COL9A1: variants seen among roughly 807,000 people sequenced by gnomAD.
COL9A1 encodes collagen alpha-1(IX) chain.
COL9A1 carries 104 observed loss-of-function variants against 142.6 expected under a neutral mutation model. The ratio of observed to expected loss-of-function variants is 0.73; its 90% confidence interval spans 0.62 to 0.86. COL9A1 has a LOEUF of 0.86. Among genes scored for constraint, COL9A1 ranks in the 40% least tolerant of loss-of-function variants. The pLI is 0.00. For missense variants in COL9A1, 1,210 were observed against 1,176.6 expected (o/e 1.03, Z -0.42); for synonymous variants, 466 against 396.0 (o/e 1.18, Z -2.10).
At chr6:70,241,123 A>T (rs573253035) in intron 31 of COL9A1, among the ~76,000 whole-genome samples, 1 of 152,184 alleles carries the variant, frequency 6.6e-6, no homozygotes, top group South Asian at 2.1e-4. Flanking sequence ...GTGGCTGTGG[A>T]AGGCTCCATT....
At chr6:70,233,319 T>C (rs1044591437) in intron 35 of COL9A1, among the ~76,000 whole-genome samples, 3 of 152,194 alleles carry the variant, frequency 2.0e-5, no homozygotes, top group African/African-American at 7.2e-5. Context: ...TAAACCCTCC[T>C]TCTCAGAAGT....
rs992114674 is a variant in COL9A1, at chr6:70,302,958, C to A, written c.-34G>T. The stretch of plus-strand genomic sequence containing the variant: ...TTGATTTTCTTTGTTTGCCAACAGT[C>A]CCTATGAAGAAGGGGTTGGAAGGGA... On this transcript the variant is annotated 5_prime_UTR_variant, in exon 1 of 38. Transcript: ENST00000357250. 1.2e-6 allele frequency: 2 copies of A among 1,612,350 alleles called. No individual in the cohort carries two copies. Among genetic ancestry groups the A allele is most frequent in the Non-Finnish European group, 8.5e-7 (1 of 1,178,374 alleles).
intron 5 of COL9A1, among the ~76,000 whole-genome samples, chr6:70,288,408 T>C (rs529493940): frequency 6.6e-6 from 1 of 152,208 alleles, no homozygotes; most frequent in Admixed American, 6.5e-5. Context: ...TACACTCTTA[T>C]GTCCTTCTCT....
At chr6:70,242,753 C>A in intron 28 of COL9A1, 38 bp from the exon 29 acceptor site, 3 of 1,585,420 alleles carry the variant, frequency 1.9e-6, no homozygotes, top group South Asian at 2.2e-5. Flanking sequence ...GATATTTTGC[C>A]AAAATTCAAA....
chr6:70,284,377 A>C (rs1413191493), intron 5 of COL9A1, among the ~76,000 whole-genome samples: 3 of 152,232 alleles, frequency 2.0e-5, no homozygotes, highest in African/African-American at 7.2e-5. Flanking sequence ...TGGAGTGGTC[A>C]CAGCTTAAAA....
chr6:70,267,327 G>GTTTTTTTTTTTTTTTT lies in COL9A1; in HGVS notation c.1288-558_1288-557insAAAAAAAAAAAAAAAA, dbSNP rs61373051. On this transcript the variant is annotated intron_variant, in intron 17 of 37. Transcript: ENST00000357250. Reference sequence around the variant, plus strand: ...TTGTTGTTGTTTGTTTGGTTTTTTTGTTTTTTTTTTTTGAGATGGAGCTTC... The same window carrying GTTTTTTTTTTTTTTTT: ...TTGTTGTTGTTTGTTTGGTTTTTTTGTTTTTTTTTTTTTTTTTTTTTTTTTTTTGAGATGGAGCTTC... 2.0e-4 allele frequency among the ~76,000 whole-genome samples: 26 copies of GTTTTTTTTTTTTTTTT among 127,046 alleles called. 2 individuals are homozygous for GTTTTTTTTTTTTTTTT. The highest frequency in any genetic ancestry group is 5.0e-4 in the South Asian group (2 of 4,032). 83.3% of individuals were successfully genotyped at this position (127,046 alleles called of 152,430 possible).
intron 1 of COL9A1, 71 bp from the exon 2 acceptor site, chr6:70,302,145 A>G (rs2127609566): frequency 2.2e-6 from 2 of 893,408 alleles, no homozygotes; most frequent in Non-Finnish European, 3.7e-6. Flanking sequence ...ATATTTTCAA[A>G]CCTAGTAAAC....
chr6:70,232,801 A>G (rs1265423716), intron 35 of COL9A1, 30 bp from the exon 36 acceptor site: 1 of 1,583,098 alleles, frequency 6.3e-7, no homozygotes, highest in African/African-American at 1.3e-5. Flanking sequence ...ACAACCCAGA[A>G]GTGTCAGAAA....
chr6:70,249,341 G>T (rs1019567871), intron 28 of COL9A1, among the ~76,000 whole-genome samples: 1 of 152,100 alleles, frequency 6.6e-6, no homozygotes, highest in African/African-American at 2.4e-5. Context: ...TGATGTTCGT[G>T]CAGGACAGAG....
intron 36 of COL9A1, among the ~76,000 whole-genome samples, chr6:70,227,669 T>C (rs1363916276): frequency 6.6e-6 from 1 of 152,106 alleles, no homozygotes; most frequent in Admixed American, 6.6e-5. Flanking sequence ...ATGCTGCTTT[T>C]TAATACAAAA....
intron 2 of COL9A1, 67 bp downstream of exon 2, chr6:70,301,934 C>A: frequency 7.6e-7 from 1 of 1,307,462 alleles, no homozygotes; most frequent in East Asian, 2.4e-5. Flanking sequence ...CTTCAGTCAG[C>A]CACAGCCCTG....
intron 32 of COL9A1, 79 bp downstream of exon 32, chr6:70,240,610 T>C: frequency 1.1e-6 from 1 of 924,570 alleles, no homozygotes; most frequent in South Asian, 1.4e-5. Context: ...TTTTGAACTG[T>C]GTTAGAAGTA....
intron 5 of COL9A1, among the ~76,000 whole-genome samples, chr6:70,291,580 C>T (rs1773662850): frequency 1.3e-5 from 2 of 152,090 alleles, no homozygotes; most frequent in Admixed American, 1.3e-4. Flanking sequence ...TCTTTGTATG[C>T]CCAATATTTA....
Position 70,301,985 on chromosome 6 carries a change from A to C in COL9A1, c.88+16T>G. Reference sequence around the variant, plus strand: ...GAATAAGTGATCTTTGAAAGTCTAGAAACTATGGCCCTTACTGGGGCGACG... The same window carrying C: ...GAATAAGTGATCTTTGAAAGTCTAGCAACTATGGCCCTTACTGGGGCGACG... On this transcript the variant is annotated intron_variant, in intron 2 of 37. Coordinates refer to ENST00000357250, the MANE Select transcript of COL9A1 (RefSeq NM_001851.6). 6.3e-7 allele frequency: 1 copy of C among 1,599,478 alleles called. No individual in the cohort carries two copies. The highest frequency in any genetic ancestry group is 2.2e-5 in the East Asian group (1 of 44,796).
intron 23 of COL9A1, 52 bp from the exon 24 acceptor site, chr6:70,255,068 T>A: frequency 6.2e-7 from 1 of 1,613,328 alleles, no homozygotes; most frequent in Non-Finnish European, 8.5e-7. Flanking sequence ...CACATTCTTT[T>A]TCCCTTCATT....
At chr6:70,274,154 T>C in intron 11 of COL9A1, 72 bp from the exon 12 acceptor site, 1 of 1,269,996 alleles carries the variant, frequency 7.9e-7, no homozygotes, top group Non-Finnish European at 1.1e-6. Context: ...ACTGCATAAA[T>C]ATTGAAAGCA....
At position 70,300,075 on chromosome 6, in the gene COL9A1, C is replaced by T. The variant is rs1313732948; in HGVS notation, c.267G>A (p.Leu89=). Reference sequence around the variant, plus strand: ...GAATCCTGAAGTCTACATTATTTCCCAACTTGTAAGCCACCTGCAATGTAG... The same window carrying T: ...GAATCCTGAAGTCTACATTATTTCCTAACTTGTAAGCCACCTGCAATGTAG... ...GSATLQVAYK[L]GNNVDFRIPT... Residue 89 remains leucine (L), a synonymous_variant, in exon 4 of 38, where the codon TTG becomes TTA. Transcript: ENST00000357250. 2 of 1,613,882 alleles carry T rather than the reference C, an allele frequency of 1.2e-6. No homozygotes were observed. The highest frequency in any genetic ancestry group is 8.5e-7 in the Non-Finnish European group (1 of 1,179,894).
At position 70,232,678 on chromosome 6, in the gene COL9A1, G is replaced by A. The variant is rs1305032403; in HGVS notation, c.2408C>T (p.Pro803Leu). The A allele has an allele frequency of 1.9e-6, 3 of 1,614,038 alleles. No individual in the cohort carries two copies. The highest frequency in any genetic ancestry group is 2.5e-6 in the Non-Finnish European group (3 of 1,180,010). The stretch of plus-strand genomic sequence containing the variant: ...GCCTGGGAAACCATTCTCTCCAGGA[G>A]GGCCGGGGGGACCAGGAGGGCCAGG... Reference protein sequence around the residue: ...GRPGPPGPPGPPGENGFPGQM... With the variant: ...GRPGPPGPPGLPGENGFPGQM... Residue 803 changes from proline to leucine, a missense_variant, in exon 36 of 38, where the codon CCT (proline) becomes CTT (leucine). Transcript: ENST00000357250.
At chr6:70,254,085 T>C (rs1348743792) in intron 25 of COL9A1, among the ~76,000 whole-genome samples, 1 of 152,164 alleles carries the variant, frequency 6.6e-6, no homozygotes, top group East Asian at 1.9e-4. Context: ...GTACATAATC[T>C]AAGGGGTCAC....
Sources: gnomAD v4.1 joint callset for allele counts (sites outside exome capture counted in the v4.1 genomes callset) on GRCh38, gnomAD v4.1.1 for gene constraint, MANE v1.5 for transcripts, NCBI Gene and HGNC (gene_info 2026-07-23, HGNC 2026-07-21) for gene names.